The following NR5A2 variants were observed in gnomAD, a reference collection of about 807,000 sequenced individuals.
NR5A2 encodes CYP7A promoter-binding factor.
Under a neutral mutation model 62.7 loss-of-function variants are expected in NR5A2, and 26 were observed. The observed-to-expected ratio is 0.41, with a 90% confidence interval of 0.30 to 0.58. The LOEUF is 0.58. Among genes scored for constraint, NR5A2 ranks in the 20% least tolerant of loss-of-function variants. NR5A2 has a pLI of 0.22. For synonymous variants in NR5A2, 246 were observed against 241.7 expected, an observed-to-expected ratio of 1.02 and a Z score of -0.16; for missense variants, 541 against 669.1, an observed-to-expected ratio of 0.81 and a Z score of 2.11.
chr1:200,045,629 A>T lies in NR5A2; in HGVS notation c.463+45A>T, dbSNP rs878928009. 2.0e-6 allele frequency: 3 copies of T among 1,533,786 alleles called. No individual in the cohort carries two copies. The South Asian group carries it at 3.6e-5, about 19-fold the overall frequency. On this transcript the variant is annotated intron_variant, in intron 4 of 7. Coordinates refer to ENST00000367362, the MANE Select transcript of NR5A2 (RefSeq NM_205860.3). ...TACTGCCTATTAAAACTCTCCAAGG[A>T]CATGAACTGTAAAACAACATTGTAC...
At chr1:200,031,833 G>A (rs1347718628) in intron 1 of NR5A2, among the ~76,000 whole-genome samples, 1 of 152,118 alleles carries the variant, frequency 6.6e-6, no homozygotes, top group Non-Finnish European at 1.5e-5. Context: ...ACCCACCTCA[G>A]CCTCCCAAAG....
chr1:200,048,146 C>T lies in NR5A2; in HGVS notation c.464-26C>T. 1 of 1,563,886 alleles carries T rather than the reference C, an allele frequency of 6.4e-7. No individual in the cohort carries two copies. The highest frequency in any genetic ancestry group is 1.4e-5 in the African/African-American group (1 of 72,808). On this transcript the variant is annotated intron_variant, in intron 4 of 7. Transcript: ENST00000367362. The surrounding 1 kb of genome is among the most constrained non-coding windows in gnomAD (Gnocchi z 4.8). ...TTGCACCTTATTTATACCTTTCCTT[C>T]CTTCCCCCCACCCCACCCCCAACAG... is the stretch of plus-strand genomic sequence containing the variant.
At chr1:200,166,618 G>GA (rs1321515220) in intron 7 of NR5A2, among the ~76,000 whole-genome samples, 6 of 151,874 alleles carry the variant, frequency 4.0e-5, no homozygotes, top group Non-Finnish European at 7.4e-5. Context: ...CACAATAGGG[G>GA]AAAAAAAACT....
chr1:200,173,077 T>C (rs1258386139), intron 7 of NR5A2, among the ~76,000 whole-genome samples: 1 of 152,234 alleles, frequency 6.6e-6, no homozygotes, highest in Non-Finnish European at 1.5e-5. Context: ...TCTGTGTGTG[T>C]GTTTGTATGT....
At chr1:200,031,409 AGGGCTTGGG>A (rs1449812834) in intron 1 of NR5A2, among the ~76,000 whole-genome samples, 1 of 152,016 alleles carries the variant, frequency 6.6e-6, no homozygotes, top group African/African-American at 2.4e-5. Context: ...CCTAGTGACT[AGGGCTTGGG>A]GGTTGAGGTA....
chr1:200,034,825 C>A (rs188696031), intron 1 of NR5A2, among the ~76,000 whole-genome samples: 4 of 116,422 alleles, frequency 3.4e-5, no homozygotes, highest in African/African-American at 1.4e-4. Flanking sequence ...AAACAAGGCA[C>A]GACTGCTCAC....
Position 200,073,268 on chromosome 1 carries a change from T to TTATATATATA in NR5A2, c.1110+24464_1110+24473dup, listed in dbSNP as rs371537456. 3.3e-3 allele frequency among the ~76,000 whole-genome samples: 371 copies of TTATATATATA among 111,184 alleles called. 12 individuals are homozygous for TTATATATATA. The highest frequency in any genetic ancestry group is 0.014 in the Middle Eastern group (3 of 222). The allele number at this position is 111,184 out of a possible 152,430, so 72.9% of individuals were successfully genotyped here. ...TATATATATATATATATATTCCCCTTTATATATATATATATATATATATTC... is the reference window on the plus strand; with the variant it reads ...TATATATATATATATATATTCCCCTTTATATATATATATATATATATATATATATATATTC... On this transcript the variant is annotated intron_variant, in intron 5 of 7. Transcript: ENST00000367362.
chr1:200,049,257 G>C (rs1345397459), intron 5 of NR5A2, among the ~76,000 whole-genome samples: 2 of 152,122 alleles, frequency 1.3e-5, no homozygotes, highest in African/African-American at 4.8e-5. Flanking sequence ...ACATTTAGTA[G>C]TGTTTAGACT....
intron 5 of NR5A2, among the ~76,000 whole-genome samples, 176 bp from the exon 6 acceptor site, chr1:200,111,026 G>A (rs1665915708): frequency 6.6e-6 from 1 of 152,126 alleles, no homozygotes; most frequent in South Asian, 2.1e-4. Flanking sequence ...TGAAAATCCT[G>A]ATTTTCAGGA....
chr1:200,128,195 A>T (rs1470736335), intron 7 of NR5A2, among the ~76,000 whole-genome samples: 2 of 152,128 alleles, frequency 1.3e-5, no homozygotes, highest in African/African-American at 4.8e-5. Flanking sequence ...CATACAAAAC[A>T]TTGGTCCTCC....
intron 7 of NR5A2, among the ~76,000 whole-genome samples, chr1:200,160,923 GT>G (rs1342686219): frequency 6.6e-6 from 1 of 150,974 alleles, no homozygotes; most frequent in Non-Finnish European, 1.5e-5. Context: ...AACCACCAAA[GT>G]TTCTGAATGG....
chr1:200,052,164 C>T (rs1251195798), intron 5 of NR5A2, among the ~76,000 whole-genome samples: 4 of 152,154 alleles, frequency 2.6e-5, no homozygotes, highest in Admixed American at 1.3e-4. Flanking sequence ...GTTTTATCGG[C>T]CATCCATTGG....
chr1:200,147,631 C>A lies in NR5A2; in HGVS notation c.1379-26332C>A, dbSNP rs1667769435. ...TTCGCACAGGCAGCGCCGCAGCTTG[C>A]CCTGGATCTTGTCGATTGAGTTGAA... On this transcript the variant is annotated intron_variant, in intron 7 of 7. Transcript: ENST00000367362. This position sits in a 1 kb window ranked among gnomAD's most constrained non-coding sequence, Gnocchi z 4.9. 3 of 710,968 alleles carry A rather than the reference C, an allele frequency of 4.2e-6. No homozygotes were observed. Among genetic ancestry groups the A allele is most frequent in the Non-Finnish European group, 7.9e-6 (3 of 379,232 alleles). The allele number at this position is 710,968 out of a possible 1,614,324, so 44.0% of individuals were successfully genotyped here. A position where few individuals can be genotyped will look rare whatever the true frequency, so the allele number is the denominator to read the frequency against.
At chr1:200,034,111 AG>A (rs1420997202) in intron 1 of NR5A2, among the ~76,000 whole-genome samples, 4 of 152,196 alleles carry the variant, frequency 2.6e-5, no homozygotes, top group Non-Finnish European at 5.9e-5. Context: ...TCTCGTGCTA[AG>A]GATTTTGTTC....
intron 7 of NR5A2, among the ~76,000 whole-genome samples, chr1:200,153,855 A>G (rs1324135884): frequency 2.0e-5 from 3 of 152,160 alleles, no homozygotes; most frequent in African/African-American, 7.2e-5. Flanking sequence ...ATAGAAAATC[A>G]AACACAGATG....
chr1:200,097,113 G>T (rs1665137541), intron 5 of NR5A2, among the ~76,000 whole-genome samples: 1 of 152,072 alleles, frequency 6.6e-6, no homozygotes, highest in Non-Finnish European at 1.5e-5. Flanking sequence ...GCATGCTCAT[G>T]GAAAATGTAA....
intron 5 of NR5A2, among the ~76,000 whole-genome samples, chr1:200,096,596 T>C (rs1665113461): frequency 6.6e-6 from 1 of 152,168 alleles, no homozygotes; most frequent in Non-Finnish European, 1.5e-5. Flanking sequence ...TTGTTTGACA[T>C]GAGTCAACCA....
intron 5 of NR5A2, among the ~76,000 whole-genome samples, chr1:200,055,934 A>G (rs1037532870): frequency 6.6e-6 from 1 of 152,174 alleles, no homozygotes; most frequent in African/African-American, 2.4e-5. Context: ...CGCTGAAGGT[A>G]GATATGAAAG....
chr1:200,168,210 CT>C lies in NR5A2; in HGVS notation c.1379-5736del, dbSNP rs1164744059. On this transcript the variant is annotated intron_variant, in intron 7 of 7. Transcript: ENST00000367362. ...ATATAGTATATACACTTTATATCTA[CT>C]TTTTTTTTTTTTTTTTAAGAGACAG... is the stretch of plus-strand genomic sequence containing the variant. Among the ~76,000 whole-genome samples, 489 of 141,116 alleles carry C rather than the reference CT, an allele frequency of 3.5e-3. 3 individuals carry two copies. Among genetic ancestry groups the C allele is most frequent in the African/African-American group, 5.1e-3 (194 of 37,792 alleles). The allele number at this position is 141,116 out of a possible 152,430, so 92.6% of individuals were successfully genotyped here.
Sources: gnomAD v4.1 joint callset for allele counts (sites outside exome capture counted in the v4.1 genomes callset) on GRCh38, gnomAD v4.1.1 for gene constraint, Gnocchi (gnomAD v3.1) non-coding constraint, MANE v1.5 for transcripts, NCBI Gene and HGNC (gene_info 2026-07-23, HGNC 2026-07-21) for gene names.